EDNRA: variants seen among roughly 807,000 people sequenced by gnomAD.
The protein encoded by EDNRA is endothelin-1 receptor.
EDNRA carries 11 observed loss-of-function variants against 41.4 expected under a neutral mutation model. The observed-to-expected ratio is 0.27, with a 90% CI of 0.17 to 0.44. The LOEUF is 0.44. Ranked by LOEUF, EDNRA falls within the 20% of genes least tolerant of loss-of-function variation. The pLI, the probability that EDNRA is intolerant of heterozygous loss-of-function variation, is 1.00. For synonymous variants in EDNRA, 172 were observed against 183.0 expected, an observed-to-expected ratio of 0.94 and a Z score of 0.49; for missense variants, 294 against 531.0, an observed-to-expected ratio of 0.55 and a Z score of 4.39.
intron 2 of EDNRA, among the ~76,000 whole-genome samples, chr4:147,499,890 C>T (rs1376720257): frequency 6.7e-6 from 1 of 150,128 alleles, no homozygotes; most frequent in Non-Finnish European, 1.5e-5. Context: ...CTGCAAACTC[C>T]GCCTCCCGAG....
rs72961616 is a variant in EDNRA, at chr4:147,513,566, T to C, written c.421-6285T>C. 4.8e-3 allele frequency among the ~76,000 whole-genome samples: 737 copies of C among 152,324 alleles called. 6 individuals carry two copies. The highest frequency in any genetic ancestry group is 0.017 in the African/African-American group (702 of 41,562). On this transcript the variant is annotated intron_variant, in intron 2 of 7. Coordinates refer to ENST00000651419, the MANE Select transcript of EDNRA (RefSeq NM_001957.4). ...AGTCTGTGCTGTTGGAAGATGTTTT[T>C]GTTTGCTACTGAGTCAACTATGTAC... is the stretch of plus-strand genomic sequence containing the variant.
chr4:147,483,439 A>G (rs1357022797), intron 1 of EDNRA, among the ~76,000 whole-genome samples: 2 of 152,200 alleles, frequency 1.3e-5, no homozygotes, highest in Admixed American at 6.5e-5. Context: ...CTCAAGGCAG[A>G]TAACAGATAC....
intron 3 of EDNRA, among the ~76,000 whole-genome samples, chr4:147,527,639 A>G (rs2126464494): frequency 6.6e-6 from 1 of 152,322 alleles, no homozygotes; most frequent in Admixed American, 6.5e-5. Flanking sequence ...ATCCCAGACC[A>G]CACCTTCAAG....
chr4:147,510,213 T>C (rs1009762802), intron 2 of EDNRA, among the ~76,000 whole-genome samples: 20 of 152,258 alleles, frequency 1.3e-4, no homozygotes, highest in African/African-American at 4.6e-4. Flanking sequence ...AGAACACTGG[T>C]CCTAATCTCA....
At chr4:147,521,668 C>A (rs930344135) in intron 3 of EDNRA, among the ~76,000 whole-genome samples, 2 of 152,120 alleles carry the variant, frequency 1.3e-5, no homozygotes, top group Non-Finnish European at 2.9e-5. Flanking sequence ...ATTGCTAATA[C>A]AAGTAAAATT....
chr4:147,513,488 G>A (rs1224570793), intron 2 of EDNRA, among the ~76,000 whole-genome samples: 4 of 152,206 alleles, frequency 2.6e-5, no homozygotes, highest in Non-Finnish European at 4.4e-5. Context: ...TGGCCAGAGA[G>A]CACGTTCTCA....
chr4:147,498,106 T>C (rs765889064), intron 2 of EDNRA, among the ~76,000 whole-genome samples: 2 of 152,214 alleles, frequency 1.3e-5, no homozygotes, highest in African/African-American at 2.4e-5. Flanking sequence ...AGAAATTTTA[T>C]TTATGAAAAC....
intron 4 of EDNRA, among the ~76,000 whole-genome samples, chr4:147,534,714 A>G (rs1193660860): frequency 6.6e-6 from 1 of 152,258 alleles, no homozygotes; most frequent in Non-Finnish European, 1.5e-5. Flanking sequence ...CAATATTACT[A>G]TATCTAAATT....
At chr4:147,516,521 A>G (rs1730122289) in intron 2 of EDNRA, among the ~76,000 whole-genome samples, 1 of 152,236 alleles carries the variant, frequency 6.6e-6, no homozygotes, top group African/African-American at 2.4e-5. Flanking sequence ...AGTTGGAGTC[A>G]TCCATTCATC....
At chr4:147,510,982 A>C (rs947848035) in intron 2 of EDNRA, among the ~76,000 whole-genome samples, 2 of 152,240 alleles carry the variant, frequency 1.3e-5, no homozygotes, top group African/African-American at 4.8e-5. Flanking sequence ...TTCAGAGAGT[A>C]TCTAGTTCTA....
chr4:147,484,310 T>C (rs1159181889), intron 1 of EDNRA, among the ~76,000 whole-genome samples: 2 of 152,178 alleles, frequency 1.3e-5, no homozygotes, highest in Non-Finnish European at 2.9e-5. Context: ...TTTGAAAATG[T>C]CTAACCACCC....
At chr4:147,498,348 A>G (rs578134878) in intron 2 of EDNRA, among the ~76,000 whole-genome samples, 1 of 152,302 alleles carries the variant, frequency 6.6e-6, no homozygotes, top group African/African-American at 2.4e-5. Flanking sequence ...CTGTACCATC[A>G]TAAAGGAAGT....
intron 2 of EDNRA, among the ~76,000 whole-genome samples, chr4:147,496,490 T>A (rs1429959429): frequency 6.6e-6 from 1 of 152,250 alleles, no homozygotes; most frequent in Admixed American, 6.5e-5. Flanking sequence ...TAGAATAATG[T>A]GCCTAAGCAT....
intron 2 of EDNRA, among the ~76,000 whole-genome samples, chr4:147,517,227 A>C (rs1467201604): frequency 6.6e-6 from 1 of 152,212 alleles, no homozygotes; most frequent in African/African-American, 2.4e-5. Context: ...GTCCTTCAGA[A>C]GCTCCAAGTG....
intron 2 of EDNRA, among the ~76,000 whole-genome samples, chr4:147,512,323 A>T (rs1560905283): frequency 6.6e-6 from 1 of 152,194 alleles, no homozygotes; most frequent in Non-Finnish European, 1.5e-5. Context: ...AAAAATCTTC[A>T]TGGCTCTGGA....
At chr4:147,493,146 A>G (rs1729195039) in intron 2 of EDNRA, 2 of 152,200 alleles carry the variant, frequency 1.3e-5, no homozygotes, top group African/African-American at 4.8e-5. Flanking sequence ...TTCCCCCATC[A>G]AAGAGTTCAT....
intron 1 of EDNRA, among the ~76,000 whole-genome samples, chr4:147,482,500 A>G (rs924655027): frequency 6.6e-6 from 1 of 152,146 alleles, no homozygotes. Context: ...GCACAGCCTG[A>G]CTCAGATTCC....
chr4:147,544,113 CTA>C lies in EDNRA; in HGVS notation c.*1496_*1497del, dbSNP rs1300712587. Reference sequence around the variant, plus strand: ...ATGGTATGTATGGATTTAATCTAATCTAATAATTGTGCCCCGCAGTTGTGCCA... The same window carrying C: ...ATGGTATGTATGGATTTAATCTAATCATAATTGTGCCCCGCAGTTGTGCCA... On this transcript the variant is annotated 3_prime_UTR_variant, in exon 8 of 8. Transcript: ENST00000651419. 1 of 152,538 alleles carries C rather than the reference CTA, an allele frequency of 6.6e-6. No homozygotes were observed. Among genetic ancestry groups the C allele is most frequent in the African/African-American group, 2.4e-5 (1 of 41,418 alleles). The allele number at this position is 152,538 out of a possible 1,614,324, so 9.4% of individuals were successfully genotyped here. A position where few individuals can be genotyped will look rare whatever the true frequency, so the allele number is the denominator to read the frequency against.
At chr4:147,531,207 A>G (rs1225303736) in intron 3 of EDNRA, among the ~76,000 whole-genome samples, 2 of 152,252 alleles carry the variant, frequency 1.3e-5, no homozygotes, top group African/African-American at 4.8e-5. Flanking sequence ...AGTCACATTT[A>G]TGTTATATAC....
Sources: gnomAD v4.1 joint callset for allele counts (sites outside exome capture counted in the v4.1 genomes callset) on GRCh38, gnomAD v4.1.1 for gene constraint, MANE v1.5 for transcripts, NCBI Gene and HGNC (gene_info 2026-07-23, HGNC 2026-07-21) for gene names.